Variants in RAB33B observed in about 807,000 individuals in gnomAD.
The protein encoded by RAB33B is ras-related protein Rab-33B.
In RAB33B, 6 loss-of-function variants were observed where a neutral mutation model predicts 15.0. The observed-to-expected ratio is 0.40, with a 90% confidence interval of 0.22 to 0.79. The LOEUF is 0.79. RAB33B is among the 30% of genes least tolerant of loss of function. The probability of loss-of-function intolerance (pLI) is 0.37; values close to 1 mark genes in which losing one functional copy is unlikely to be tolerated. For synonymous variants in RAB33B, 117 were observed against 108.3 expected (o/e 1.08, Z -0.50); for missense variants, 257 against 296.4 (o/e 0.87, Z 0.98).
At chr4:139,465,733 T>TTG (rs1554004195) in intron 1 of RAB33B, among the ~76,000 whole-genome samples, 3 of 150,880 alleles carry the variant, frequency 2.0e-5, no homozygotes, top group African/African-American at 7.3e-5. Flanking sequence ...TTTTTTTTTT[T>TTG]TTTTTGTTTT....
the RAB33B span, among the ~76,000 whole-genome samples, chr4:139,440,918 T>C: frequency 2.0e-5 from 3 of 152,192 alleles, no homozygotes; most frequent in African/African-American, 7.2e-5. Context: ...ACCTCTCTTT[T>C]CCTTTTTTTG....
At chr4:139,469,689 C>T (rs544369044) in intron 1 of RAB33B, among the ~76,000 whole-genome samples, 2 of 152,310 alleles carry the variant, frequency 1.3e-5, no homozygotes, top group East Asian at 3.9e-4. Context: ...GTGATCTAAG[C>T]TGTATCTGCC....
intron 1 of RAB33B, among the ~76,000 whole-genome samples, chr4:139,457,305 A>T (rs1239246645): frequency 6.6e-6 from 1 of 152,232 alleles, no homozygotes; most frequent in Non-Finnish European, 1.5e-5. Context: ...TTAAATACAA[A>T]TACATTCGGC....
upstream of RAB33B, chr4:139,450,118 A>G (rs1749892105): frequency 6.6e-6 from 1 of 152,214 alleles, no homozygotes. Flanking sequence ...CTTATTTTGT[A>G]TCTTCCCCTT....
chr4:139,472,637 A>G lies in RAB33B; in HGVS notation c.250-49A>G, dbSNP rs775119379. On this transcript the variant is annotated intron_variant, in intron 1 of 1. Coordinates refer to ENST00000305626, the MANE Select transcript of RAB33B (RefSeq NM_031296.3). ...AAGATGATTACATTTCTTGATATGT[A>G]TAATTGGAATGGGATTTTCAGTTTT... is the stretch of plus-strand genomic sequence containing the variant. 4.6e-5 allele frequency: 61 copies of G among 1,319,344 alleles called. 2 individuals carry two copies. In the South Asian group the frequency reaches 5.3e-4, roughly 11 times the overall value. 81.7% of individuals were successfully genotyped at this position (1,319,344 alleles called of 1,614,324 possible).
At chr4:139,459,620 CTAGTT>C (rs67414893) in intron 1 of RAB33B, among the ~76,000 whole-genome samples, 30,333 of 149,896 alleles carry the variant, frequency 0.2, 3,394 homozygotes, top group Non-Finnish European at 0.26. Flanking sequence ...CTTTCAGTGT[CTAGTT>C]CAGTTCTTTT....
intron 1 of RAB33B, among the ~76,000 whole-genome samples, chr4:139,470,635 G>A (rs1750370462): frequency 6.6e-6 from 1 of 152,204 alleles, no homozygotes; most frequent in Non-Finnish European, 1.5e-5. Context: ...AGCTAATTAT[G>A]TGCTGAGTCT....
chr4:139,452,955 A>T (rs997256473), upstream of RAB33B: 5 of 152,240 alleles, frequency 3.3e-5, no homozygotes, highest in Non-Finnish European at 1.5e-5. Flanking sequence ...CAAACTTTTA[A>T]CAAAAAGCAA....
Position 139,473,184 on chromosome 4 carries a change from C to A in RAB33B, c.*58C>A. On this transcript the variant is annotated 3_prime_UTR_variant, in exon 2 of 2. Transcript: ENST00000305626. Reference sequence around the variant, plus strand: ...CTAAAGAAATACTTTTGAAGTATGACAGTATTAAGTCATAAGATTTAATCT... The same window carrying A: ...CTAAAGAAATACTTTTGAAGTATGAAAGTATTAAGTCATAAGATTTAATCT... The A allele has an allele frequency of 7.1e-7, 1 of 1,401,912 alleles. No individual in the cohort carries two copies. Among genetic ancestry groups the A allele is most frequent in the South Asian group, 1.4e-5 (1 of 70,116 alleles). The allele number at this position is 1,401,912 out of a possible 1,614,324, so 86.8% of individuals were successfully genotyped here. A position where few individuals can be genotyped will look rare whatever the true frequency, so the allele number is the denominator to read the frequency against.
intron 1 of RAB33B, among the ~76,000 whole-genome samples, chr4:139,466,962 T>A (rs1750299262): frequency 2.2e-5 from 1 of 45,310 alleles, no homozygotes; most frequent in East Asian, 1.2e-3. Flanking sequence ...AAGCACAAAC[T>A]TTTTTTTTTT....
upstream of RAB33B, chr4:139,453,151 C>T (rs909596900): frequency 1.3e-5 from 2 of 152,214 alleles, no homozygotes; most frequent in African/African-American, 4.8e-5. Context: ...TAAGACATAA[C>T]TAGGGCATAA....
chr4:139,442,693 G>A, the RAB33B span, among the ~76,000 whole-genome samples: 1 of 152,152 alleles, frequency 6.6e-6, no homozygotes, highest in Non-Finnish European at 1.5e-5. Flanking sequence ...CAGGAACTCG[G>A]ACTGGCTTCC....
chr4:139,445,910 A>G, the RAB33B span, among the ~76,000 whole-genome samples: 6 of 152,222 alleles, frequency 3.9e-5, 1 homozygote, highest in Middle Eastern at 6.8e-3. Flanking sequence ...GCAGATAACT[A>G]TTCTCCTTCT....
intron 1 of RAB33B, among the ~76,000 whole-genome samples, chr4:139,465,722 C>CT (rs375295002): frequency 0.26 from 34,012 of 133,052 alleles, 4,001 homozygotes; most frequent in Non-Finnish European, 0.28. Context: ...TCTTCTTCTT[C>CT]TTTTTTTTTT....
intron 1 of RAB33B, among the ~76,000 whole-genome samples, chr4:139,466,125 G>C (rs1180769661): frequency 6.6e-6 from 1 of 152,174 alleles, no homozygotes; most frequent in African/African-American, 2.4e-5. Context: ...GATTACAGGT[G>C]TGAGTCATTG....
At chr4:139,440,532 G>C in the RAB33B span, among the ~76,000 whole-genome samples, 2 of 152,040 alleles carry the variant, frequency 1.3e-5, no homozygotes, top group Non-Finnish European at 2.9e-5. Context: ...AACCACTCTA[G>C]GAACATGTGC....
At chr4:139,464,958 C>T (rs1032208986) in intron 1 of RAB33B, among the ~76,000 whole-genome samples, 9 of 152,152 alleles carry the variant, frequency 5.9e-5, no homozygotes, top group African/African-American at 9.7e-5. Flanking sequence ...CTTGAGGAAT[C>T]GCCACACTGT....
chr4:139,457,774 T>A (rs945193621), intron 1 of RAB33B, among the ~76,000 whole-genome samples: 1 of 152,234 alleles, frequency 6.6e-6, no homozygotes, highest in Non-Finnish European at 1.5e-5. Flanking sequence ...TTTTAATGTT[T>A]AGGGAAAATA....
rs763138138 is a variant in RAB33B, at chr4:139,457,262, T to C, written c.249+2818T>C. 9.8e-5 allele frequency among the ~76,000 whole-genome samples: 15 copies of C among 152,364 alleles called. No individual in the cohort carries two copies. The South Asian group carries it at 2.5e-3, about 25-fold the overall frequency. ...GAGGAAAATCTTGTTTGCAAAATTT[T>C]GGAAGTCGAATAAAATTATAAAATT... On this transcript the variant is annotated intron_variant, in intron 1 of 1. Coordinates refer to ENST00000305626, the MANE Select transcript of RAB33B (RefSeq NM_031296.3).
Sources: gnomAD v4.1 joint callset for allele counts (sites outside exome capture counted in the v4.1 genomes callset) on GRCh38, gnomAD v4.1.1 for gene constraint, MANE v1.5 for transcripts, NCBI Gene and HGNC (gene_info 2026-07-23, HGNC 2026-07-21) for gene names.